The following SPON1 variants were observed in gnomAD, a reference collection of about 807,000 sequenced individuals.
SPON1 encodes spondin 1, also known as spondin-1.
SPON1 carries 52 observed loss-of-function variants against 111.7 expected under a neutral mutation model. The observed-to-expected ratio is 0.47, with a 90% CI of 0.37 to 0.59. The LOEUF (loss-of-function observed/expected upper bound fraction) is 0.59, where lower values mean the gene tolerates loss of function less well. Ranked by LOEUF, SPON1 falls within the 20% of genes least tolerant of loss-of-function variation. The probability of loss-of-function intolerance (pLI) is 0.00; values close to 1 mark genes in which losing one functional copy is unlikely to be tolerated. For synonymous variants in SPON1, 410 were observed against 395.8 expected (o/e 1.04, Z -0.43); for missense variants, 957 against 1,068.5 (o/e 0.90, Z 1.46).
At chr11:14,140,551 T>C (rs1847641812) in intron 6 of SPON1, among the ~76,000 whole-genome samples, 1 of 152,124 alleles carries the variant, frequency 6.6e-6, no homozygotes, top group African/African-American at 2.4e-5. Flanking sequence ...CCTGCCATCA[T>C]GCCCAGCTAA....
rs1221420628 is a variant in SPON1 at position 14,268,036 on chromosome 11, T to C, written c.*2349T>C. 5.9e-5 allele frequency among the ~76,000 whole-genome samples: 9 copies of C among 152,266 alleles called. No homozygotes were observed. In the East Asian group the frequency reaches 1.5e-3, roughly 26 times the overall value. The stretch of plus-strand genomic sequence containing the variant: ...CTCACTGGTCACCTTGCCAGTGCAT[T>C]TTATTAGAAGGGAATCTGTTGTAGC... On this transcript the variant is annotated 3_prime_UTR_variant, in exon 16 of 16. Coordinates refer to ENST00000576479, the MANE Select transcript of SPON1 (RefSeq NM_006108.4).
At chr11:14,079,344 A>T (rs1848942543) in intron 4 of SPON1, among the ~76,000 whole-genome samples, 1 of 152,202 alleles carries the variant, frequency 6.6e-6, no homozygotes, top group Non-Finnish European at 1.5e-5. Flanking sequence ...TGAAAGCATG[A>T]TAAGAAGTGA....
At chr11:14,258,133 G>A (rs1849130685) in intron 11 of SPON1, among the ~76,000 whole-genome samples, 1 of 152,200 alleles carries the variant, frequency 6.6e-6, no homozygotes, top group Non-Finnish European at 1.5e-5. Context: ...TTTTACTGAA[G>A]AGCTAACAAA....
intron 5 of SPON1, among the ~76,000 whole-genome samples, chr11:14,101,236 C>CAAG: frequency 6.6e-6 from 1 of 152,012 alleles, no homozygotes; most frequent in East Asian, 1.9e-4. Context: ...CCCATCTCTA[C>CAAG]TAAAAATACA....
intron 2 of SPON1, among the ~76,000 whole-genome samples, chr11:14,029,993 TG>T (rs1275336622): frequency 1.3e-5 from 2 of 152,202 alleles, no homozygotes; most frequent in Non-Finnish European, 2.9e-5. Flanking sequence ...CCTAGGACTT[TG>T]TATTGTCTCC....
chr11:14,226,836 C>T (rs1270654124), intron 6 of SPON1, among the ~76,000 whole-genome samples: 11 of 152,286 alleles, frequency 7.2e-5, no homozygotes, highest in South Asian at 4.1e-4. Context: ...ATACAAGCAG[C>T]GCTGGTTCCT....
chr11:13,984,286 T>G (rs1345980808), intron 2 of SPON1, among the ~76,000 whole-genome samples: 1 of 152,214 alleles, frequency 6.6e-6, no homozygotes, highest in Non-Finnish European at 1.5e-5. Context: ...AGAGATTAAA[T>G]CACTTGCCTA....
At chr11:14,176,115 G>A (rs1293747793) in intron 6 of SPON1, among the ~76,000 whole-genome samples, 1 of 152,024 alleles carries the variant, frequency 6.6e-6, no homozygotes, top group Non-Finnish European at 1.5e-5. Context: ...CTCCGAGACA[G>A]GCCTGTTAAG....
chr11:14,003,364 A>T (rs1554912673), intron 2 of SPON1, among the ~76,000 whole-genome samples: 2 of 152,198 alleles, frequency 1.3e-5, no homozygotes, highest in Non-Finnish European at 1.5e-5. Context: ...ACAGCGAGAG[A>T]AAAGGGATGT....
intron 6 of SPON1, among the ~76,000 whole-genome samples, chr11:14,144,695 A>G (rs1445511037): frequency 6.6e-6 from 1 of 151,380 alleles, no homozygotes; most frequent in Non-Finnish European, 1.5e-5. Context: ...AAAAACCCAA[A>G]GAAGACTTTG....
At chr11:14,089,823 C>T (rs1239298074) in intron 5 of SPON1, among the ~76,000 whole-genome samples, 8 of 152,170 alleles carry the variant, frequency 5.3e-5, no homozygotes, top group East Asian at 1.9e-4. Context: ...CTGGGCCTGC[C>T]GCCTTTCTTT....
chr11:14,023,656 C>T (rs17555076), intron 2 of SPON1, among the ~76,000 whole-genome samples: 11,302 of 151,920 alleles, frequency 0.074, 545 homozygotes, highest in Middle Eastern at 0.14. Context: ...GGAACACTTG[C>T]GAAAGGAAGA....
chr11:14,109,057 G>A (rs77073084), intron 5 of SPON1, among the ~76,000 whole-genome samples: 24 of 152,276 alleles, frequency 1.6e-4, no homozygotes, highest in East Asian at 3.9e-4. Flanking sequence ...CATGGTCTTC[G>A]TATTTCAGCC....
chr11:14,241,383 G>C (rs527434829), intron 6 of SPON1, among the ~76,000 whole-genome samples: 1 of 152,224 alleles, frequency 6.6e-6, no homozygotes, highest in Non-Finnish European at 1.5e-5. Flanking sequence ...GTTTTGGCAG[G>C]AGACAGATAC....
intron 2 of SPON1, among the ~76,000 whole-genome samples, chr11:14,003,409 G>A (rs1848334545): frequency 2.0e-5 from 3 of 152,176 alleles, no homozygotes; most frequent in Non-Finnish European, 2.9e-5. Context: ...GGGGTCCAGG[G>A]TATGGAGTTT....
At chr11:13,984,817 G>A (rs546638198) in intron 2 of SPON1, among the ~76,000 whole-genome samples, 9 of 152,298 alleles carry the variant, frequency 5.9e-5, no homozygotes, top group Admixed American at 5.2e-4. Context: ...CTCATAGTGG[G>A]CAGCGCATAA....
At chr11:14,084,869 T>C (rs1311274504) in intron 5 of SPON1, among the ~76,000 whole-genome samples, 1 of 152,258 alleles carries the variant, frequency 6.6e-6, no homozygotes, top group African/African-American at 2.4e-5. Flanking sequence ...TATCTCATTG[T>C]GGTTTTGATT....
At position 14,135,885 on chromosome 11, in the gene SPON1, C is replaced by A. The variant is rs1426521688; in HGVS notation, c.825+317C>A. 6.6e-6 allele frequency among the ~76,000 whole-genome samples: 1 copy of A among 152,148 alleles called. No homozygotes were observed. The highest frequency in any genetic ancestry group is 2.4e-5 in the African/African-American group (1 of 41,432). ...TGAATTAAGGTTTTCTTACTGTGAT[C>A]TTTGAGAGGGTCAGAGGAGTAATAG... On this transcript the variant is annotated intron_variant, in intron 6 of 15. Coordinates refer to ENST00000576479, the MANE Select transcript of SPON1 (RefSeq NM_006108.4). This position sits in a 1 kb window ranked among gnomAD's most constrained non-coding sequence, Gnocchi z 4.4.
At chr11:14,141,019 G>A (rs180735310) in intron 6 of SPON1, among the ~76,000 whole-genome samples, 25 of 116,194 alleles carry the variant, frequency 2.2e-4, no homozygotes, top group South Asian at 1.1e-3. Flanking sequence ...GTATGCAGGC[G>A]TGCCCCCCCC....
Sources: gnomAD v4.1 joint callset for allele counts (sites outside exome capture counted in the v4.1 genomes callset) on GRCh38, gnomAD v4.1.1 for gene constraint, Gnocchi (gnomAD v3.1) non-coding constraint, MANE v1.5 for transcripts, NCBI Gene and HGNC (gene_info 2026-07-23, HGNC 2026-07-21) for gene names.